THSD7B: variants seen among roughly 807,000 people sequenced by gnomAD.
The protein encoded by THSD7B is thrombospondin type 1 domain containing 7B.
A neutral mutation model predicts 213.6 loss-of-function variants in THSD7B; 138 were observed. The observed-to-expected ratio is 0.65, with a 90% CI of 0.56 to 0.74. The LOEUF (loss-of-function observed/expected upper bound fraction) is 0.74, where lower values mean the gene tolerates loss of function less well. THSD7B is among the 30% of genes least tolerant of loss of function. THSD7B has a pLI of 0.00. For missense variants in THSD7B, 1,931 were observed against 1,991.5 expected, an observed-to-expected ratio of 0.97 and a Z score of 0.58; for synonymous variants, 742 against 687.0, an observed-to-expected ratio of 1.08 and a Z score of -1.25.
intron 17 of THSD7B, among the ~76,000 whole-genome samples, chr2:137,574,894 A>T (rs1203985813): frequency 6.6e-6 from 1 of 152,150 alleles, no homozygotes; most frequent in Non-Finnish European, 1.5e-5. Context: ...GCATTTCATT[A>T]GAAAAAGGAA....
At chr2:137,567,623 A>G (rs1267498556) in intron 16 of THSD7B, among the ~76,000 whole-genome samples, 1 of 152,058 alleles carries the variant, frequency 6.6e-6, no homozygotes, top group Non-Finnish European at 1.5e-5. Context: ...AAGGTGTAGA[A>G]CACAGAGTTT....
Position 137,111,723 on chromosome 2 carries a change from C to G in THSD7B, c.1200-3401C>G, listed in dbSNP as rs144429723. 2.0e-3 allele frequency among the ~76,000 whole-genome samples: 309 copies of G among 152,224 alleles called. 1 individual carries two copies. The highest frequency in any genetic ancestry group is 6.7e-3 in the African/African-American group (280 of 41,534). On this transcript the variant is annotated intron_variant, in intron 4 of 27. Coordinates refer to ENST00000409968, the MANE Select transcript of THSD7B (RefSeq NM_001316349.2). ...CAAACAAATTAATGCCTTGTTTATT[C>G]TGTTTAGCCAGACACTTTGAAAAAA...
chr2:137,304,820 T>A (rs2104851649), intron 12 of THSD7B, among the ~76,000 whole-genome samples: 1 of 152,234 alleles, frequency 6.6e-6, no homozygotes, highest in Admixed American at 6.5e-5. Context: ...TCTTAGCAAC[T>A]GTGCCTCAAA....
At chr2:137,658,710 G>A (rs998447176) in intron 24 of THSD7B, among the ~76,000 whole-genome samples, 20 of 152,266 alleles carry the variant, frequency 1.3e-4, no homozygotes, top group Non-Finnish European at 2.1e-4. Flanking sequence ...AAAAATTTCT[G>A]TGTGGATTCT....
intron 12 of THSD7B, among the ~76,000 whole-genome samples, chr2:137,305,240 T>C (rs1339212894): frequency 6.6e-6 from 1 of 152,160 alleles, no homozygotes; most frequent in African/African-American, 2.4e-5. Context: ...AGGCACTCAT[T>C]GTACCAGTCG....
intron 6 of THSD7B, 69 bp from the exon 7 acceptor site, chr2:137,170,672 C>T: frequency 4.0e-6 from 6 of 1,506,386 alleles, no homozygotes; most frequent in Non-Finnish European, 5.4e-6. Context: ...CATCTCTCAC[C>T]CAGCTGCTTC....
chr2:137,597,589 T>C (rs2104819635), intron 17 of THSD7B, among the ~76,000 whole-genome samples: 1 of 152,150 alleles, frequency 6.6e-6, no homozygotes, highest in Admixed American at 6.5e-5. Context: ...GAAGTGTCCT[T>C]GCCAATGGTC....
In THSD7B at chr2:137,635,721, C is replaced by CT. The variant is rs199699054; in HGVS notation, c.3800-6753dup. Among the ~76,000 whole-genome samples, 290 of 141,550 alleles carry CT rather than the reference C, an allele frequency of 2.0e-3. 2 individuals carry two copies. The Middle Eastern group carries it at 0.05, about 25-fold the overall frequency. The allele number at this position is 141,550 out of a possible 152,430, so 92.9% of individuals were successfully genotyped here. On this transcript the variant is annotated intron_variant, in intron 20 of 27. Coordinates refer to ENST00000409968, the MANE Select transcript of THSD7B (RefSeq NM_001316349.2). ...CATATTTAAAATATTCCGCAAGTTTCTTTTTTTTTTTTTTAAACGGAGTCA... is the reference window on the plus strand; with the variant it reads ...CATATTTAAAATATTCCGCAAGTTTCTTTTTTTTTTTTTTTAAACGGAGTCA...
In THSD7B at chr2:137,075,011, T is replaced by G. The variant is rs376897668; in HGVS notation, c.950+17781T>G. 3.1e-3 allele frequency among the ~76,000 whole-genome samples: 465 copies of G among 152,284 alleles called. 3 individuals are homozygous for G. Among genetic ancestry groups the G allele is most frequent in the African/African-American group, 0.011 (448 of 41,560 alleles). ...TAACCCGACCTTTCTCTCTGGCTGC[T>G]CTTAACATTTTTTCCTTCATTTCAA... is the stretch of plus-strand genomic sequence containing the variant. On this transcript the variant is annotated intron_variant, in intron 3 of 27. Coordinates refer to ENST00000409968, the MANE Select transcript of THSD7B (RefSeq NM_001316349.2).
chr2:137,038,746 C>T (rs1411649990), intron 2 of THSD7B, among the ~76,000 whole-genome samples: 1 of 152,168 alleles, frequency 6.6e-6, no homozygotes, highest in Admixed American at 6.6e-5. Context: ...GCAATCTGTA[C>T]CATTCACCTT....
Position 137,025,466 on chromosome 2 carries a change from G to A in THSD7B, c.140-30954G>A, listed in dbSNP as rs866127151. ...GTTTGGAATCTTATGTGTGGATGTC[G>A]ATTATTTAGGGTAGGCTGAGTCCTG... is the stretch of plus-strand genomic sequence containing the variant. On this transcript the variant is annotated intron_variant, in intron 2 of 27. Transcript: ENST00000409968. 1.6e-4 allele frequency among the ~76,000 whole-genome samples: 24 copies of A among 152,108 alleles called. 1 individual carries two copies. The highest frequency in any genetic ancestry group is 9.8e-4 in the Admixed American group (15 of 15,256).
chr2:136,975,663 G>A (rs543677592), intron 2 of THSD7B, among the ~76,000 whole-genome samples: 2 of 152,168 alleles, frequency 1.3e-5, no homozygotes, highest in African/African-American at 4.8e-5. Context: ...TGTCTTGGAT[G>A]TATAGGCTCT....
intron 2 of THSD7B, among the ~76,000 whole-genome samples, chr2:136,922,875 C>T (rs10195012): frequency 0.2 from 30,925 of 152,086 alleles, 3,454 homozygotes; most frequent in African/African-American, 0.3. Flanking sequence ...CCCCCAAGTG[C>T]CATTCCTCTA....
chr2:137,274,327 A>T (rs543301740), intron 11 of THSD7B, among the ~76,000 whole-genome samples: 1 of 152,252 alleles, frequency 6.6e-6, no homozygotes, highest in African/African-American at 2.4e-5. Flanking sequence ...TTCTGACTCC[A>T]TTAAGGTGAT....
At chr2:137,498,432 A>G (rs377075386) in intron 15 of THSD7B, among the ~76,000 whole-genome samples, 11 of 151,528 alleles carry the variant, frequency 7.3e-5, no homozygotes, top group Admixed American at 7.2e-4. Flanking sequence ...TGTGCGTCTT[A>G]CTTCGTAATT....
At chr2:137,648,463 A>G (rs1181371407) in intron 21 of THSD7B, among the ~76,000 whole-genome samples, 2 of 152,240 alleles carry the variant, frequency 1.3e-5, no homozygotes, top group East Asian at 3.9e-4. Flanking sequence ...GCTTCCACAT[A>G]TGAGTGAGAA....
chr2:137,277,405 G>C (rs1442839894), intron 12 of THSD7B, among the ~76,000 whole-genome samples: 1 of 152,010 alleles, frequency 6.6e-6, no homozygotes, highest in South Asian at 2.1e-4. Context: ...AGCATTCCTG[G>C]TGTTTAGTTG....
At chr2:136,836,587 A>G (rs575816867) in intron 1 of THSD7B, among the ~76,000 whole-genome samples, 8 of 152,278 alleles carry the variant, frequency 5.3e-5, no homozygotes, top group African/African-American at 1.9e-4. Context: ...TCCCCATGCT[A>G]TGTTGACCTT....
intron 2 of THSD7B, among the ~76,000 whole-genome samples, chr2:136,893,653 A>C (rs1051074224): frequency 6.6e-6 from 1 of 152,178 alleles, no homozygotes; most frequent in African/African-American, 2.4e-5. Flanking sequence ...ACCACAGTCA[A>C]TTTTTATTGG....
Sources: allele counts gnomAD v4.1 joint callset (sites outside exome capture counted in the v4.1 genomes callset), GRCh38; gene constraint gnomAD v4.1.1; transcripts MANE v1.5; gene names NCBI Gene and HGNC (gene_info 2026-07-23, HGNC 2026-07-21).